Variants in NFASC observed in about 807,000 individuals in gnomAD.
NFASC encodes neurofascin.
NFASC carries 43 observed loss-of-function variants against 147.5 expected under a neutral mutation model. That is an observed-to-expected ratio of 0.29 (90% CI 0.23 to 0.38). NFASC has a LOEUF of 0.38. Among genes scored for constraint, NFASC ranks in the 10% least tolerant of loss-of-function variants. The pLI is 1.00. For synonymous variants in NFASC, 622 were observed against 665.5 expected (o/e 0.93, Z 1.01); for missense variants, 1,320 against 1,689.0 (o/e 0.78, Z 3.83).
chr1:204,830,803 T>C (rs1328413779), intron 1 of NFASC, among the ~76,000 whole-genome samples: 1 of 152,234 alleles, frequency 6.6e-6, no homozygotes, highest in East Asian at 1.9e-4. Flanking sequence ...GAGGCTTAAA[T>C]TGAGGCGTTA....
In NFASC at chr1:204,997,213, T is replaced by A; in HGVS notation, c.2826T>A (p.Ala942=). ...CGACTACCGTGGGTGCGACGGGCGC[T>A]GTGAGCAGTACCGATGCTACTGCCA... is the stretch of plus-strand genomic sequence containing the variant. The part of the protein sequence containing the change: ...LPPTTVGATG[A]VSSTDATAIA... Residue 942 remains alanine, a synonymous_variant, in exon 25 of 30, where the codon GCT becomes GCA. Transcript: ENST00000339876. 3 of 1,613,712 alleles carry A rather than the reference T, an allele frequency of 1.9e-6. No individual in the cohort carries two copies. Among genetic ancestry groups the A allele is most frequent in the Non-Finnish European group, 2.5e-6 (3 of 1,179,786 alleles).
At chr1:204,889,701 C>G (rs2082012982) in intron 1 of NFASC, among the ~76,000 whole-genome samples, 1 of 152,172 alleles carries the variant, frequency 6.6e-6, no homozygotes, top group Non-Finnish European at 1.5e-5. Flanking sequence ...TCCTTGTTTC[C>G]TTTCCTCAAT....
intron 5 of NFASC, among the ~76,000 whole-genome samples, chr1:204,952,691 G>T (rs901782602): frequency 1.3e-5 from 2 of 152,216 alleles, no homozygotes; most frequent in African/African-American, 4.8e-5. Flanking sequence ...GCAGAACCCA[G>T]ATTTAAACTC....
intron 1 of NFASC, among the ~76,000 whole-genome samples, chr1:204,844,994 C>CT (rs1676531350): frequency 6.6e-6 from 1 of 152,098 alleles, no homozygotes; most frequent in Non-Finnish European, 1.5e-5. Context: ...AAGGAATGTG[C>CT]TTATTAAGGC....
At chr1:204,853,951 T>C (rs1269110320) in intron 1 of NFASC, among the ~76,000 whole-genome samples, 1 of 152,180 alleles carries the variant, frequency 6.6e-6, no homozygotes, top group East Asian at 1.9e-4. Flanking sequence ...GGGCTTCTGC[T>C]TGGCTTCTTT....
intron 8 of NFASC, among the ~76,000 whole-genome samples, chr1:204,964,699 C>T (rs1318730875): frequency 6.6e-6 from 1 of 152,118 alleles, no homozygotes; most frequent in African/African-American, 2.4e-5. Flanking sequence ...AGAATCTGGC[C>T]CCATGAGTCT....
chr1:204,949,264 C>T (rs2093967118), intron 3 of NFASC, among the ~76,000 whole-genome samples: 1 of 152,244 alleles, frequency 6.6e-6, no homozygotes, highest in Non-Finnish European at 1.5e-5. Flanking sequence ...CTTCCCTTCC[C>T]TGCTGTGGCT....
At chr1:204,862,638 G>A (rs2076768123) in intron 1 of NFASC, among the ~76,000 whole-genome samples, 1 of 152,218 alleles carries the variant, frequency 6.6e-6, no homozygotes, top group Admixed American at 6.5e-5. Context: ...CCAGCTGCTA[G>A]AGAGGAGAAG....
At chr1:204,924,798 C>G (rs1383058115) in intron 2 of NFASC, among the ~76,000 whole-genome samples, 2 of 152,216 alleles carry the variant, frequency 1.3e-5, no homozygotes, top group Admixed American at 1.3e-4. Context: ...CCCATCTTGT[C>G]CAAAGCCTTA....
chr1:204,881,790 C>T (rs1401083432), intron 1 of NFASC, among the ~76,000 whole-genome samples: 1 of 152,182 alleles, frequency 6.6e-6, no homozygotes, highest in Non-Finnish European at 1.5e-5. Context: ...AGGCCTACCT[C>T]GGCACTTCCT....
chr1:205,009,375 T>A (rs564387409), intron 27 of NFASC, 182 bp from the exon 28 acceptor site: 4 of 762,502 alleles, frequency 5.2e-6, no homozygotes, highest in Admixed American at 1.8e-5. Flanking sequence ...TGACCTTGGC[T>A]CTTTAATTAT....
chr1:204,953,333 A>G (rs2094234752), intron 5 of NFASC, among the ~76,000 whole-genome samples: 1 of 151,994 alleles, frequency 6.6e-6, no homozygotes. Flanking sequence ...GTCTCGCTCT[A>G]TCCCCCAGAC....
intron 1 of NFASC, among the ~76,000 whole-genome samples, chr1:204,891,163 G>A (rs556440601): frequency 2.0e-5 from 3 of 152,266 alleles, no homozygotes; most frequent in East Asian, 1.9e-4. Context: ...GCAGAACCTC[G>A]GGCAAGGCTT....
chr1:205,005,657 C>T (rs1385375346), intron 27 of NFASC, among the ~76,000 whole-genome samples: 1 of 152,184 alleles, frequency 6.6e-6, no homozygotes, highest in East Asian at 1.9e-4. Flanking sequence ...CTCTCAGAGT[C>T]CAGGTCATGG....
rs1012418973 is a variant in NFASC at position 204,855,960 on chromosome 1, A to C, written c.-200+27178A>C. ...TTGGACCTTTTATATATGTTTCATT[A>C]ACTCTTACAATGACCCTATGAAGCA... On this transcript the variant is annotated intron_variant, in intron 1 of 29. Coordinates refer to ENST00000339876, the MANE Select transcript of NFASC (RefSeq NM_001005388.3). Among the ~76,000 whole-genome samples the C allele has an allele frequency of 3.3e-5, 5 of 152,182 alleles. No individual in the cohort carries two copies. In the East Asian group the frequency reaches 9.7e-4, roughly 29 times the overall value.
chr1:204,937,242 A>G (rs759590642), intron 2 of NFASC, among the ~76,000 whole-genome samples: 1 of 152,020 alleles, frequency 6.6e-6, no homozygotes, highest in Non-Finnish European at 1.5e-5. Context: ...AGCCCCCTCC[A>G]TTATCAACAT....
At chr1:204,850,783 A>G (rs1045264148) in intron 1 of NFASC, among the ~76,000 whole-genome samples, 4 of 152,188 alleles carry the variant, frequency 2.6e-5, no homozygotes, top group Admixed American at 1.3e-4. Context: ...CTTTCTTCAT[A>G]AATCACCTAG....
At chr1:204,876,014 G>A (rs2078715705) in intron 1 of NFASC, among the ~76,000 whole-genome samples, 1 of 152,158 alleles carries the variant, frequency 6.6e-6, no homozygotes, top group African/African-American at 2.4e-5. Context: ...CATTTGGGAT[G>A]TATTGTCTTC....
intron 1 of NFASC, among the ~76,000 whole-genome samples, chr1:204,913,098 A>G (rs2149349290): frequency 6.6e-6 from 1 of 152,320 alleles, no homozygotes; most frequent in South Asian, 2.1e-4. Flanking sequence ...TTAGTATGCA[A>G]TAATTATTTA....
Sources: allele counts gnomAD v4.1 joint callset (sites outside exome capture counted in the v4.1 genomes callset), GRCh38; gene constraint gnomAD v4.1.1; transcripts MANE v1.5; gene names NCBI Gene and HGNC (gene_info 2026-07-23, HGNC 2026-07-21).